Variants in CNTN6 observed in about 807,000 individuals in gnomAD.
CNTN6 encodes contactin 6, also known as contactin-6.
CNTN6 carries 137 observed loss-of-function variants against 122.8 expected under a neutral mutation model. The ratio of observed to expected loss-of-function variants is 1.12; its 90% CI spans 0.97 to 1.29. The LOEUF (loss-of-function observed/expected upper bound fraction) is 1.29, where lower values mean the gene tolerates loss of function less well. Ranked by LOEUF, CNTN6 falls within the 50% of genes most tolerant of loss-of-function variation. The probability of loss-of-function intolerance (pLI) is 0.00; values close to 1 mark genes in which losing one functional copy is unlikely to be tolerated. For missense variants in CNTN6, 1,634 were observed against 1,223.4 expected (o/e 1.34, Z -5.01); for synonymous variants, 570 against 426.0 (o/e 1.34, Z -4.16).
Position 1,301,024 on chromosome 3 carries a change from CTTTTTTTTTTTTTTTT to C in CNTN6, c.761+3048_761+3063del, listed in dbSNP as rs562912841. ...AATTTATAATACAGGAGTCCCTAAACTTTTTTTTTTTTTTTTTTTTTTTTTTTTTTGAGACGGAGTC... is the reference window on the plus strand; with the variant it reads ...AATTTATAATACAGGAGTCCCTAAACTTTTTTTTTTTTTTGAGACGGAGTC... On this transcript the variant is annotated intron_variant, in intron 7 of 22. Transcript: ENST00000446702. Among the ~76,000 whole-genome samples, 8 of 93,276 alleles carry C rather than the reference CTTTTTTTTTTTTTTTT, an allele frequency of 8.6e-5. No homozygotes were observed. In the East Asian group the frequency reaches 1.6e-3, roughly 18 times the overall value. 61.2% of individuals were successfully genotyped at this position (93,276 alleles called of 152,430 possible). A position where few individuals can be genotyped will look rare whatever the true frequency, so the allele number is the denominator to read the frequency against.
At chr3:1,385,900 T>A in intron 20 of CNTN6, 103 bp downstream of exon 20, 1 of 1,103,242 alleles carries the variant, frequency 9.1e-7, no homozygotes, top group Non-Finnish European at 1.3e-6. Context: ...CTTTACTAAT[T>A]GGTTACTTTG....
chr3:1,384,740 C>CT (rs1425836899), intron 19 of CNTN6, among the ~76,000 whole-genome samples: 7 of 106,026 alleles, frequency 6.6e-5, no homozygotes, highest in Admixed American at 1.9e-4. Context: ...CATATATATA[C>CT]ATATATACAC....
chr3:1,307,372 T>C (rs1330275303), intron 7 of CNTN6, among the ~76,000 whole-genome samples: 4 of 152,198 alleles, frequency 2.6e-5, no homozygotes, highest in Non-Finnish European at 4.4e-5. Flanking sequence ...TTCTTCCTTT[T>C]TTCCCCTCTG....
intron 12 of CNTN6, among the ~76,000 whole-genome samples, chr3:1,365,965 C>G (rs1477475238): frequency 6.6e-6 from 1 of 152,076 alleles, no homozygotes; most frequent in East Asian, 1.9e-4. Flanking sequence ...ATAGAAATTT[C>G]AGGTTCAAGT....
intron 4 of CNTN6, among the ~76,000 whole-genome samples, chr3:1,274,074 C>G (rs1691865018): frequency 6.6e-6 from 1 of 152,152 alleles, no homozygotes; most frequent in East Asian, 1.9e-4. Flanking sequence ...TTAATGGGGC[C>G]TTTCAAAAAC....
intron 16 of CNTN6, among the ~76,000 whole-genome samples, chr3:1,376,325 GT>G (rs1559962757): frequency 6.6e-6 from 1 of 151,726 alleles, no homozygotes; most frequent in East Asian, 1.9e-4. Context: ...GAAGGGCATA[GT>G]TTTTTAAAAC....
intron 2 of CNTN6, among the ~76,000 whole-genome samples, chr3:1,213,862 C>T (rs1023398658): frequency 2.0e-5 from 3 of 151,764 alleles, no homozygotes; most frequent in Admixed American, 6.6e-5. Flanking sequence ...TTAAAAGATA[C>T]AATGAATGAT....
rs747701800 is a variant in CNTN6, at chr3:1,321,644, G to C, written c.762-6G>C. 4 of 1,609,016 alleles carry C rather than the reference G, an allele frequency of 2.5e-6. No homozygotes were observed. Among genetic ancestry groups the C allele is most frequent in the Middle Eastern group, 1.7e-4 (1 of 6,018 alleles). On this transcript the variant is annotated splice_polypyrimidine_tract_variant and splice_region_variant and intron_variant, in intron 7 of 22. Transcript: ENST00000446702. Reference sequence around the variant, plus strand: ...TCTTCTATTCTAATGAGGTGTAACTGTTTAGTCCAGTCCCCGATATTAGTT... The same window carrying C: ...TCTTCTATTCTAATGAGGTGTAACTCTTTAGTCCAGTCCCCGATATTAGTT...
intron 2 of CNTN6, among the ~76,000 whole-genome samples, chr3:1,182,405 T>C (rs891162423): frequency 6.6e-6 from 1 of 152,180 alleles, no homozygotes; most frequent in Non-Finnish European, 1.5e-5. Flanking sequence ...GAAATTAATA[T>C]AGAACTATAG....
chr3:1,310,679 G>A (rs1699085722), intron 7 of CNTN6, among the ~76,000 whole-genome samples: 1 of 152,084 alleles, frequency 6.6e-6, no homozygotes, highest in African/African-American at 2.4e-5. Flanking sequence ...AAGAGATTAT[G>A]TACATAAAGA....
chr3:1,306,064 C>T (rs1698304399), intron 7 of CNTN6, among the ~76,000 whole-genome samples: 1 of 152,082 alleles, frequency 6.6e-6, no homozygotes, highest in Non-Finnish European at 1.5e-5. Flanking sequence ...TTTTTCAGTT[C>T]CTTAGCGATT....
chr3:1,297,872 C>T lies in CNTN6; in HGVS notation c.659-17C>T. On this transcript the variant is annotated splice_polypyrimidine_tract_variant and intron_variant, in intron 6 of 22. Coordinates refer to ENST00000446702, the MANE Select transcript of CNTN6 (RefSeq NM_001289080.2). Reference sequence around the variant, plus strand: ...CTATTCTCCAGAAATGCTGCTAGCTCTTTTGATATTTAACAGGTGTGATGG... The same window carrying T: ...CTATTCTCCAGAAATGCTGCTAGCTTTTTTGATATTTAACAGGTGTGATGG... The T allele has an allele frequency of 6.3e-7, 1 of 1,587,382 alleles. No individual in the cohort carries two copies. Among genetic ancestry groups the T allele is most frequent in the Non-Finnish European group, 8.6e-7 (1 of 1,160,832 alleles).
chr3:1,366,672 G>A (rs1325746020), intron 12 of CNTN6, among the ~76,000 whole-genome samples: 1 of 152,114 alleles, frequency 6.6e-6, no homozygotes, highest in East Asian at 1.9e-4. Context: ...TGTTAGTGCT[G>A]GGGCTGAGGC....
rs1447796895 is a variant in CNTN6, at chr3:1,392,662, C to T, written c.2704+6865C>T. 2.1e-4 allele frequency among the ~76,000 whole-genome samples: 30 copies of T among 144,832 alleles called. 4 individuals are homozygous for T. ...AAATTTTCGCAACCTACTCATCTGA[C>T]AAAGGGCTAATATCAAGAATCTACA... is the stretch of plus-strand genomic sequence containing the variant. On this transcript the variant is annotated intron_variant, in intron 20 of 22. Coordinates refer to ENST00000446702, the MANE Select transcript of CNTN6 (RefSeq NM_001289080.2).
chr3:1,301,536 A>G (rs955103415), intron 7 of CNTN6, among the ~76,000 whole-genome samples: 1 of 152,232 alleles, frequency 6.6e-6, no homozygotes, highest in Non-Finnish European at 1.5e-5. Context: ...GGAATAGGAA[A>G]ATAATATAAA....
At chr3:1,236,369 G>A (rs960733970) in intron 4 of CNTN6, among the ~76,000 whole-genome samples, 7 of 152,082 alleles carry the variant, frequency 4.6e-5, no homozygotes, top group Non-Finnish European at 2.9e-5. Context: ...GCAGGTGGTG[G>A]TATCCACAGC....
intron 7 of CNTN6, among the ~76,000 whole-genome samples, chr3:1,300,149 AT>A (rs201089738): frequency 2.7e-5 from 4 of 150,870 alleles, no homozygotes; most frequent in South Asian, 4.2e-4. Flanking sequence ...GCTAATTGTA[AT>A]TTTTTTTTGG....
At chr3:1,401,195 G>C (rs188781865) in intron 20 of CNTN6, 143 of 416,528 alleles carry the variant, frequency 3.4e-4, no homozygotes, top group Admixed American at 1.3e-3. Context: ...ATTAATACTG[G>C]ACATGCAGCA....
intron 8 of CNTN6, among the ~76,000 whole-genome samples, chr3:1,324,717 C>G (rs1391130152): frequency 6.7e-6 from 1 of 149,230 alleles, no homozygotes; most frequent in Non-Finnish European, 1.5e-5. Flanking sequence ...TTTTTCCTTC[C>G]CGGTGACTAC....
Sources: allele counts gnomAD v4.1 joint callset (sites outside exome capture counted in the v4.1 genomes callset), GRCh38; gene constraint gnomAD v4.1.1; transcripts MANE v1.5; gene names NCBI Gene and HGNC (gene_info 2026-07-23, HGNC 2026-07-21).